The following CADM2 variants were observed in gnomAD, a reference collection of about 807,000 sequenced individuals.
CADM2 encodes the protein immunoglobulin superfamily member 4D.
CADM2 carries 12 observed loss-of-function variants against 49.8 expected under a neutral mutation model. The ratio of observed to expected loss-of-function variants is 0.24; its 90% CI spans 0.15 to 0.39. The LOEUF is 0.39. Ranked by LOEUF, CADM2 falls within the 10% of genes least tolerant of loss-of-function variation. The pLI, the probability that CADM2 is intolerant of heterozygous loss-of-function variation, is 1.00. For missense variants in CADM2, 378 were observed against 492.3 expected, an observed-to-expected ratio of 0.77 and a Z score of 2.20; for synonymous variants, 214 against 175.4, an observed-to-expected ratio of 1.22 and a Z score of -1.74.
chr3:85,067,065 A>T (rs944257029), intron 1 of CADM2, among the ~76,000 whole-genome samples: 1 of 152,196 alleles, frequency 6.6e-6, no homozygotes, highest in South Asian at 2.1e-4. Context: ...AGTAGGCTTT[A>T]AAAATTTTTG....
chr3:85,841,932 G>A (rs552880414), intron 3 of CADM2, among the ~76,000 whole-genome samples: 5 of 152,036 alleles, frequency 3.3e-5, no homozygotes, highest in African/African-American at 1.2e-4. Flanking sequence ...TTCAGGGCTT[G>A]TGATTTGTAA....
chr3:85,345,023 G>C (rs897456827), intron 1 of CADM2, among the ~76,000 whole-genome samples: 3 of 151,986 alleles, frequency 2.0e-5, no homozygotes. Flanking sequence ...GATGTAATTT[G>C]TCAGAAATAT....
chr3:85,585,953 A>AT (rs34716489), intron 1 of CADM2, among the ~76,000 whole-genome samples: 4,407 of 152,058 alleles, frequency 0.029, 205 homozygotes, highest in African/African-American at 0.1. Context: ...AAATGTTATC[A>AT]TTTTTTTAAT....
intron 1 of CADM2, among the ~76,000 whole-genome samples, chr3:85,537,696 A>G (rs946683589): frequency 6.6e-6 from 1 of 152,022 alleles, no homozygotes; most frequent in Non-Finnish European, 1.5e-5. Context: ...GATTTGTGTA[A>G]AATAACTACA....
chr3:85,524,272 T>C (rs1481962027), intron 1 of CADM2, among the ~76,000 whole-genome samples: 2 of 152,110 alleles, frequency 1.3e-5, no homozygotes, highest in African/African-American at 4.8e-5. Flanking sequence ...TATAATTTTT[T>C]CTTCTTTTTC....
At chr3:85,394,668 A>G (rs1341229859) in intron 1 of CADM2, among the ~76,000 whole-genome samples, 1 of 152,172 alleles carries the variant, frequency 6.6e-6, no homozygotes, top group East Asian at 1.9e-4. Flanking sequence ...GCCAGTTCAC[A>G]TTTTTGTATT....
At chr3:85,072,077 T>A (rs187666195) in intron 1 of CADM2, among the ~76,000 whole-genome samples, 1 of 151,682 alleles carries the variant, frequency 6.6e-6, no homozygotes, top group African/African-American at 2.4e-5. Flanking sequence ...AGTTAATTAT[T>A]AATCAAACTG....
At chr3:85,160,377 A>C (rs930017640) in intron 1 of CADM2, among the ~76,000 whole-genome samples, 5 of 152,166 alleles carry the variant, frequency 3.3e-5, no homozygotes, top group Non-Finnish European at 7.3e-5. Context: ...TTGATTTCTT[A>C]AAAGAAACCA....
At chr3:85,424,724 C>T (rs753447810) in intron 1 of CADM2, among the ~76,000 whole-genome samples, 29 of 152,174 alleles carry the variant, frequency 1.9e-4, no homozygotes, top group Middle Eastern at 3.4e-3. Flanking sequence ...GTTTTTTCTA[C>T]GCCTACTTAA....
intron 7 of CADM2, among the ~76,000 whole-genome samples, chr3:85,946,537 C>G (rs1722723826): frequency 6.6e-6 from 1 of 152,072 alleles, no homozygotes; most frequent in South Asian, 2.1e-4. Flanking sequence ...TACAAAGCTA[C>G]AGTAACCAAA....
intron 1 of CADM2, among the ~76,000 whole-genome samples, chr3:84,970,858 A>T (rs1031365011): frequency 1.3e-5 from 2 of 151,988 alleles, no homozygotes; most frequent in Non-Finnish European, 2.9e-5. Context: ...CTTTTCAGAG[A>T]CTAGTGAATT....
intron 1 of CADM2, among the ~76,000 whole-genome samples, chr3:85,592,130 A>G (rs191494563): frequency 6.6e-6 from 1 of 152,106 alleles, no homozygotes; most frequent in Admixed American, 6.6e-5. Context: ...ATATGATTTA[A>G]AAAAGGATGA....
At chr3:85,392,273 C>G (rs1284401765) in intron 1 of CADM2, among the ~76,000 whole-genome samples, 1 of 151,972 alleles carries the variant, frequency 6.6e-6, no homozygotes, top group Non-Finnish European at 1.5e-5. Flanking sequence ...TGTTCTTACA[C>G]CTGATATAAC....
chr3:86,060,076 T>A (rs1738435226), intron 8 of CADM2, among the ~76,000 whole-genome samples: 1 of 152,128 alleles, frequency 6.6e-6, no homozygotes, highest in Non-Finnish European at 1.5e-5. Flanking sequence ...ATGAATAGGA[T>A]CAAATAAATA....
At chr3:85,455,971 C>T (rs1204198830) in intron 1 of CADM2, among the ~76,000 whole-genome samples, 1 of 152,162 alleles carries the variant, frequency 6.6e-6, no homozygotes, top group African/African-American at 2.4e-5. Context: ...ATTACTTCTA[C>T]ACATAAAAAT....
At chr3:85,352,558 T>G (rs2031453608) in intron 1 of CADM2, among the ~76,000 whole-genome samples, 1 of 152,092 alleles carries the variant, frequency 6.6e-6, no homozygotes. Context: ...GGTCTGACTT[T>G]GTTTACTTTG....
At chr3:85,237,288 AATT>A (rs2042429724) in intron 1 of CADM2, among the ~76,000 whole-genome samples, 1 of 151,858 alleles carries the variant, frequency 6.6e-6, no homozygotes, top group Non-Finnish European at 1.5e-5. Flanking sequence ...TTAGGTTCAA[AATT>A]ACCTAGATGT....
intron 1 of CADM2, among the ~76,000 whole-genome samples, chr3:85,078,960 A>T (rs2037056668): frequency 1.3e-5 from 2 of 151,738 alleles, no homozygotes; most frequent in African/African-American, 2.4e-5. Flanking sequence ...CTACCTTATA[A>T]AAAAAAGAGG....
At chr3:85,408,940 T>TA (rs948639938) in intron 1 of CADM2, among the ~76,000 whole-genome samples, 15 of 151,516 alleles carry the variant, frequency 9.9e-5, no homozygotes, top group East Asian at 7.7e-4. Flanking sequence ...TGGCTTAATC[T>TA]AAAAAAAAAC....
Sources: allele counts gnomAD v4.1 joint callset (sites outside exome capture counted in the v4.1 genomes callset), GRCh38; gene constraint gnomAD v4.1.1; transcripts MANE v1.5; gene names NCBI Gene and HGNC (gene_info 2026-07-23, HGNC 2026-07-21).